Variants in STAU2 observed in about 807,000 individuals in gnomAD.
STAU2 encodes double-stranded RNA-binding protein Staufen homolog 2.
In STAU2, 20 loss-of-function variants were observed where a neutral mutation model predicts 65.9. The ratio of observed to expected loss-of-function variants is 0.30; its 90% CI spans 0.21 to 0.44. The LOEUF is 0.44. STAU2 is among the 20% of genes least tolerant of loss of function. The pLI is 1.00. For synonymous variants in STAU2, 232 were observed against 233.9 expected (o/e 0.99, Z 0.07); for missense variants, 558 against 683.9 (o/e 0.82, Z 2.05).
chr8:73,695,803 G>A (rs1331594025), intron 4 of STAU2, among the ~76,000 whole-genome samples: 5 of 152,176 alleles, frequency 3.3e-5, no homozygotes, highest in Non-Finnish European at 7.3e-5. Flanking sequence ...GGGGAGGGAA[G>A]AGTGGGAGGG....
chr8:73,513,942 T>C (rs1822561993), intron 13 of STAU2, among the ~76,000 whole-genome samples: 1 of 152,170 alleles, frequency 6.6e-6, no homozygotes. Context: ...AAATCCTAAT[T>C]AGCTTACTTG....
At chr8:73,545,339 C>G (rs1256544215) in intron 13 of STAU2, among the ~76,000 whole-genome samples, 1 of 151,948 alleles carries the variant, frequency 6.6e-6, no homozygotes, top group Non-Finnish European at 1.5e-5. Flanking sequence ...CCTCATCCAG[C>G]CTGTACTTTT....
chr8:73,658,955 A>T (rs1329600273), intron 6 of STAU2, among the ~76,000 whole-genome samples: 1 of 150,286 alleles, frequency 6.7e-6, no homozygotes, highest in Non-Finnish European at 1.5e-5. Flanking sequence ...AAAAAAAAAA[A>T]CCAACCATAC....
chr8:73,534,184 A>G (rs183943876), intron 13 of STAU2, among the ~76,000 whole-genome samples: 1 of 152,312 alleles, frequency 6.6e-6, no homozygotes, highest in Admixed American at 6.5e-5. Context: ...TAGCTACTGC[A>G]CAGAAGCCTT....
chr8:73,499,451 G>T (rs113145745), intron 13 of STAU2, among the ~76,000 whole-genome samples: 1 of 151,860 alleles, frequency 6.6e-6, no homozygotes, highest in African/African-American at 2.4e-5. Flanking sequence ...CCAAAAGGAA[G>T]AGATAAGTCA....
chr8:73,692,101 C>A (rs922735878), intron 4 of STAU2, among the ~76,000 whole-genome samples: 2 of 152,122 alleles, frequency 1.3e-5, no homozygotes, highest in Admixed American at 1.3e-4. Flanking sequence ...AAAAAGCTTG[C>A]AGGCTGGTGA....
At chr8:73,668,844 A>C in intron 6 of STAU2, 1 of 454,036 alleles carries the variant, frequency 2.2e-6, no homozygotes. Flanking sequence ...AGTTCTTCTT[A>C]GGCCTTTGAA....
chr8:73,552,674 A>G (rs1429406874), intron 12 of STAU2, among the ~76,000 whole-genome samples: 2 of 152,166 alleles, frequency 1.3e-5, no homozygotes, highest in Non-Finnish European at 2.9e-5. Flanking sequence ...AATATTTTAT[A>G]TCTCATAAAA....
At chr8:73,707,935 A>G (rs1214957223) in intron 4 of STAU2, among the ~76,000 whole-genome samples, 2 of 152,198 alleles carry the variant, frequency 1.3e-5, no homozygotes, top group African/African-American at 4.8e-5. Context: ...TCAAGGCAGA[A>G]AGACACTACA....
intron 13 of STAU2, among the ~76,000 whole-genome samples, chr8:73,489,798 T>G (rs1821074897): frequency 6.6e-6 from 1 of 151,824 alleles, no homozygotes; most frequent in South Asian, 2.1e-4. Flanking sequence ...AGGCTGAGAG[T>G]TTTATAGACT....
intron 6 of STAU2, among the ~76,000 whole-genome samples, chr8:73,624,716 A>G (rs1331163381): frequency 2.0e-5 from 3 of 152,176 alleles, no homozygotes; most frequent in African/African-American, 4.8e-5. Context: ...ATAGATGAAC[A>G]CTATAAACTG....
chr8:73,447,573 A>G (rs1439095710), intron 13 of STAU2, among the ~76,000 whole-genome samples: 1 of 152,228 alleles, frequency 6.6e-6, no homozygotes, highest in East Asian at 1.9e-4. Flanking sequence ...TGATTTTGAT[A>G]GATAATGTCA....
chr8:73,524,457 G>A (rs1332106930), intron 13 of STAU2, among the ~76,000 whole-genome samples: 1 of 152,150 alleles, frequency 6.6e-6, no homozygotes, highest in Non-Finnish European at 1.5e-5. Flanking sequence ...ATCAACTTCT[G>A]ATAGAGAAAT....
chr8:73,612,260 T>A (rs1478917626), intron 9 of STAU2, among the ~76,000 whole-genome samples: 1 of 152,236 alleles, frequency 6.6e-6, no homozygotes, highest in East Asian at 1.9e-4. Context: ...TTAATAACAA[T>A]GAATACTTAA....
chr8:73,738,331 T>A lies in STAU2; in HGVS notation c.-65A>T. Reference sequence around the variant, plus strand: ...AGACAATATTGACCAAACTGCTGTATCCCTCACGGCTCCAAAAACTGGAAA... The same window carrying A: ...AGACAATATTGACCAAACTGCTGTAACCCTCACGGCTCCAAAAACTGGAAA... On this transcript the variant is annotated 5_prime_UTR_variant, in exon 3 of 15. Transcript: ENST00000524300. 6.3e-7 allele frequency: 1 copy of A among 1,595,638 alleles called. No homozygotes were observed. The highest frequency in any genetic ancestry group is 8.5e-7 in the Non-Finnish European group (1 of 1,174,412).
At chr8:73,662,773 T>C (rs926557374) in intron 6 of STAU2, among the ~76,000 whole-genome samples, 2 of 152,070 alleles carry the variant, frequency 1.3e-5, no homozygotes, top group African/African-American at 2.4e-5. Flanking sequence ...TGCGCCACCA[T>C]GCCAGGCTAA....
chr8:73,654,015 C>G (rs1156340970), intron 6 of STAU2: 1 of 231,702 alleles, frequency 4.3e-6, no homozygotes, highest in African/African-American at 2.4e-5. Context: ...GGATGACTTA[C>G]TTTTATCTTG....
At chr8:73,536,148 A>C (rs1806164876) in intron 13 of STAU2, among the ~76,000 whole-genome samples, 1 of 152,184 alleles carries the variant, frequency 6.6e-6, no homozygotes, top group African/African-American at 2.4e-5. Context: ...CTGCTTAACT[A>C]CAAAAAGCTC....
At chr8:73,621,795 C>A (rs188130333) in intron 6 of STAU2, among the ~76,000 whole-genome samples, 6 of 152,166 alleles carry the variant, frequency 3.9e-5, no homozygotes, top group Admixed American at 3.9e-4. Context: ...AGGATGGAAC[C>A]ATAATTTTAA....
Sources: gnomAD v4.1 joint callset for allele counts (sites outside exome capture counted in the v4.1 genomes callset) on GRCh38, gnomAD v4.1.1 for gene constraint, MANE v1.5 for transcripts, NCBI Gene and HGNC (gene_info 2026-07-23, HGNC 2026-07-21) for gene names.